Variants in FHIT observed in about 807,000 individuals in gnomAD.
FHIT encodes the protein bis(5'-adenosyl)-triphosphatase.
In FHIT, 19 loss-of-function variants were observed where a neutral mutation model predicts 17.9. The observed-to-expected ratio is 1.06, with a 90% confidence interval of 0.74 to 1.56. FHIT has a LOEUF of 1.56. Ranked by LOEUF, FHIT falls within the 40% of genes most tolerant of loss-of-function variation. FHIT has a pLI of 0.00. For synonymous variants in FHIT, 81 were observed against 69.7 expected (o/e 1.16, Z -0.81); for missense variants, 248 against 189.2 (o/e 1.31, Z -1.82).
chr3:60,279,611 AAAAG>A (rs1369506895), intron 5 of FHIT, among the ~76,000 whole-genome samples: 1 of 152,192 alleles, frequency 6.6e-6, no homozygotes, highest in Non-Finnish European at 1.5e-5. Flanking sequence ...AAACCCCATT[AAAAG>A]AAAGAAAAAC....
intron 1 of FHIT, among the ~76,000 whole-genome samples, chr3:61,240,297 C>A (rs913042154): frequency 5.3e-5 from 8 of 152,202 alleles, no homozygotes; most frequent in Non-Finnish European, 8.8e-5. Flanking sequence ...CAGCAGCTCT[C>A]GTTAACCAGG....
chr3:61,006,378 A>G (rs2031449293), intron 3 of FHIT, among the ~76,000 whole-genome samples: 1 of 152,226 alleles, frequency 6.6e-6, no homozygotes, highest in African/African-American at 2.4e-5. Flanking sequence ...TCATAAAAAC[A>G]GCAACATCAA....
At chr3:60,682,252 T>A (rs2040767659) in intron 4 of FHIT, among the ~76,000 whole-genome samples, 1 of 152,102 alleles carries the variant, frequency 6.6e-6, no homozygotes, top group South Asian at 2.1e-4. Context: ...ATTACAGGGG[T>A]AAGCCACCAC....
intron 3 of FHIT, among the ~76,000 whole-genome samples, chr3:60,887,372 C>A (rs185866663): frequency 1.3e-5 from 2 of 152,126 alleles, no homozygotes; most frequent in Non-Finnish European, 2.9e-5. Context: ...GAGCCAGACA[C>A]GGTGCCTTAC....
At chr3:60,546,056 G>T (rs2036349194) in intron 4 of FHIT, among the ~76,000 whole-genome samples, 1 of 151,932 alleles carries the variant, frequency 6.6e-6, no homozygotes, top group Non-Finnish European at 1.5e-5. Flanking sequence ...TATTTGACAA[G>T]TATAAATTTT....
chr3:60,908,793 AAC>A (rs1399556709), intron 3 of FHIT, among the ~76,000 whole-genome samples: 1 of 152,152 alleles, frequency 6.6e-6, no homozygotes, highest in African/African-American at 2.4e-5. Flanking sequence ...AACGCAGGGC[AAC>A]ACACAAAGAG....
chr3:61,204,762 T>C (rs986981536), intron 1 of FHIT, among the ~76,000 whole-genome samples: 1 of 152,186 alleles, frequency 6.6e-6, no homozygotes, highest in Non-Finnish European at 1.5e-5. Context: ...CGGAATAAGT[T>C]ATTGTTAGGC....
intron 8 of FHIT, among the ~76,000 whole-genome samples, chr3:59,909,911 G>A (rs1454347213): frequency 1.3e-5 from 2 of 152,240 alleles, no homozygotes; most frequent in Non-Finnish European, 2.9e-5. Context: ...AGGAACAGGA[G>A]TGTAACATTC....
intron 5 of FHIT, among the ~76,000 whole-genome samples, chr3:60,377,769 C>A (rs1700633549): frequency 6.6e-6 from 1 of 151,744 alleles, no homozygotes; most frequent in Non-Finnish European, 1.5e-5. Flanking sequence ...GCGTGAGCCA[C>A]CGCGCCCGGC....
At chr3:61,246,980 T>C (rs139102035) in intron 1 of FHIT, among the ~76,000 whole-genome samples, 47 of 152,132 alleles carry the variant, frequency 3.1e-4, no homozygotes, top group Admixed American at 2.2e-3. Flanking sequence ...AGACCTTCTT[T>C]CTGCTCATCA....
chr3:61,111,877 G>A (rs1041938170), intron 2 of FHIT, among the ~76,000 whole-genome samples: 1 of 152,194 alleles, frequency 6.6e-6, no homozygotes, highest in African/African-American at 2.4e-5. Context: ...GTTCTAGCCA[G>A]CAGAAGTCAG....
At chr3:59,801,199 C>CATT (rs1187192723) in intron 8 of FHIT, among the ~76,000 whole-genome samples, 121 of 152,268 alleles carry the variant, frequency 7.9e-4, no homozygotes, top group African/African-American at 2.9e-3. Flanking sequence ...TTATTTAATC[C>CATT]TTATGGCAAT....
chr3:60,435,855 T>C (rs2030179918), intron 5 of FHIT, among the ~76,000 whole-genome samples: 1 of 152,090 alleles, frequency 6.6e-6, no homozygotes, highest in African/African-American at 2.4e-5. Flanking sequence ...TTCCCCTCTA[T>C]GTGTCCATGT....
intron 5 of FHIT, among the ~76,000 whole-genome samples, chr3:60,298,618 T>C (rs1239553134): frequency 6.6e-6 from 1 of 152,208 alleles, no homozygotes; most frequent in African/African-American, 2.4e-5. Context: ...AGATATTCTT[T>C]ATCAATTTGA....
chr3:60,086,694 T>A (rs932766447), intron 5 of FHIT, among the ~76,000 whole-genome samples: 2 of 152,146 alleles, frequency 1.3e-5, no homozygotes, highest in African/African-American at 4.8e-5. Flanking sequence ...TACAAAATAA[T>A]CTTCTTTGCC....
At chr3:60,179,698 T>C (rs567158937) in intron 5 of FHIT, among the ~76,000 whole-genome samples, 2 of 151,012 alleles carry the variant, frequency 1.3e-5, no homozygotes, top group South Asian at 4.2e-4. Flanking sequence ...AAAAAAAAAA[T>C]AGGTTCCTTC....
chr3:60,040,573 C>T (rs936170118), intron 5 of FHIT, among the ~76,000 whole-genome samples: 2 of 152,164 alleles, frequency 1.3e-5, no homozygotes, highest in African/African-American at 2.4e-5. Context: ...TTTCTCTATT[C>T]CCTTCTCCCA....
chr3:60,166,355 TA>T (rs1236269448), intron 5 of FHIT, among the ~76,000 whole-genome samples: 1 of 152,188 alleles, frequency 6.6e-6, no homozygotes, highest in African/African-American at 2.4e-5. Context: ...AGACATTATA[TA>T]AACACTACAA....
At chr3:61,117,738 A>G (rs894406316) in intron 2 of FHIT, among the ~76,000 whole-genome samples, 2 of 152,144 alleles carry the variant, frequency 1.3e-5, no homozygotes, top group Non-Finnish European at 2.9e-5. Context: ...TTACTCCCCA[A>G]TACAGCTCCC....
Sources: allele counts gnomAD v4.1 joint callset (sites outside exome capture counted in the v4.1 genomes callset), GRCh38; gene constraint gnomAD v4.1.1; transcripts MANE v1.5; gene names NCBI Gene and HGNC (gene_info 2026-07-23, HGNC 2026-07-21).